The following CYYR1 variants were observed in gnomAD, a reference collection of about 807,000 sequenced individuals.
CYYR1 encodes cysteine and tyrosine-rich protein 1.
CYYR1 carries 14 observed loss-of-function variants against 15.2 expected under a neutral mutation model. The ratio of observed to expected loss-of-function variants is 0.92; its 90% CI spans 0.61 to 1.44. The LOEUF (loss-of-function observed/expected upper bound fraction) is 1.44, where lower values mean the gene tolerates loss of function less well. Among genes scored for constraint, CYYR1 ranks in the 40% most tolerant of loss-of-function variants. The pLI, the probability that CYYR1 is intolerant of heterozygous loss-of-function variation, is 0.00. For synonymous variants in CYYR1, 80 were observed against 77.4 expected, an observed-to-expected ratio of 1.03 and a Z score of -0.18; for missense variants, 228 against 209.5, an observed-to-expected ratio of 1.09 and a Z score of -0.54.
chr21:26,482,305 C>T, intron 2 of CYYR1: 1 of 980,680 alleles, frequency 1.0e-6, no homozygotes, highest in Non-Finnish European at 1.2e-6. Context: ...TTTATTTTTC[C>T]ATATACATAT....
At chr21:26,507,810 G>T (rs1247469882) in intron 2 of CYYR1, among the ~76,000 whole-genome samples, 1 of 152,198 alleles carries the variant, frequency 6.6e-6, no homozygotes, top group East Asian at 1.9e-4. Flanking sequence ...GGGCATCACA[G>T]GATGGGTGTT....
At chr21:26,472,138 C>T (rs2065042872) in intron 3 of CYYR1, among the ~76,000 whole-genome samples, 1 of 152,190 alleles carries the variant, frequency 6.6e-6, no homozygotes, top group South Asian at 2.1e-4. Context: ...TAGTTGCATC[C>T]TTGCAGTCAC....
At chr21:26,512,782 A>G (rs2065667626) in intron 2 of CYYR1, among the ~76,000 whole-genome samples, 1 of 152,202 alleles carries the variant, frequency 6.6e-6, no homozygotes. Flanking sequence ...GTGGCCTGCA[A>G]AGCCTAAAAT....
At chr21:26,515,221 C>T (rs1849048348) in intron 2 of CYYR1, among the ~76,000 whole-genome samples, 1 of 152,216 alleles carries the variant, frequency 6.6e-6, no homozygotes, top group South Asian at 2.1e-4. Flanking sequence ...GTCCAAACTT[C>T]CTTTCCAGGC....
intron 2 of CYYR1, among the ~76,000 whole-genome samples, chr21:26,502,140 G>C (rs1287422230): frequency 6.6e-6 from 1 of 152,132 alleles, no homozygotes; most frequent in Non-Finnish European, 1.5e-5. Flanking sequence ...AAATCAAGCA[G>C]TATGTCTTGG....
At chr21:26,471,209 A>G (rs1163940552) in intron 3 of CYYR1, 1 of 152,212 alleles carries the variant, frequency 6.6e-6, no homozygotes, top group Non-Finnish European at 1.5e-5. Context: ...GGCAGCCTCC[A>G]TGCAGCAGGA....
intron 2 of CYYR1, among the ~76,000 whole-genome samples, chr21:26,547,992 C>T (rs993185266): frequency 1.3e-5 from 2 of 152,042 alleles, no homozygotes; most frequent in African/African-American, 4.8e-5. Context: ...CTTGTAGCAA[C>T]CTATGGGGCT....
intron 1 of CYYR1, chr21:26,568,343 G>A (rs967727540): frequency 6.6e-6 from 1 of 152,110 alleles, no homozygotes; most frequent in African/African-American, 2.4e-5. Flanking sequence ...GACAAAGTCA[G>A]CAAAAATAAG....
intron 2 of CYYR1, among the ~76,000 whole-genome samples, chr21:26,490,163 T>C (rs1440633547): frequency 6.6e-6 from 1 of 151,892 alleles, no homozygotes; most frequent in Non-Finnish European, 1.5e-5. Context: ...TTAGCCGGTG[T>C]GTGACACACA....
intron 2 of CYYR1, among the ~76,000 whole-genome samples, chr21:26,494,978 A>C (rs889445915): frequency 1.3e-5 from 2 of 152,182 alleles, no homozygotes; most frequent in Non-Finnish European, 2.9e-5. Context: ...TATGTCCCAG[A>C]AGTCAGAGAA....
At chr21:26,567,173 CT>C (rs11293401) in intron 1 of CYYR1, among the ~76,000 whole-genome samples, 138,656 of 152,170 alleles carry the variant, frequency 0.91, 63,157 homozygotes, top group Middle Eastern at 0.93. Context: ...CATTTGGTGA[CT>C]TTTTTTTACC....
intron 2 of CYYR1, among the ~76,000 whole-genome samples, chr21:26,492,868 G>T (rs1057512210): frequency 2.6e-5 from 4 of 152,138 alleles, no homozygotes; most frequent in Non-Finnish European, 5.9e-5. Context: ...CGCAAATGGG[G>T]AAGTGCAAAC....
At chr21:26,525,251 A>C (rs1026160957) in intron 2 of CYYR1, among the ~76,000 whole-genome samples, 13 of 151,140 alleles carry the variant, frequency 8.6e-5, no homozygotes, top group African/African-American at 3.2e-4. Context: ...AATTTTTTTC[A>C]ATGAGTTTCT....
At chr21:26,528,471 C>T (rs1005834246) in intron 2 of CYYR1, among the ~76,000 whole-genome samples, 14 of 152,078 alleles carry the variant, frequency 9.2e-5, no homozygotes, top group Non-Finnish European at 2.1e-4. Flanking sequence ...TCCTGCTCTC[C>T]CTCTTTTGCC....
intron 3 of CYYR1, among the ~76,000 whole-genome samples, chr21:26,477,121 T>C (rs963522859): frequency 6.6e-6 from 1 of 152,146 alleles, no homozygotes; most frequent in African/African-American, 2.4e-5. Flanking sequence ...TTTGCTAAAT[T>C]ATGCTCTCTG....
intron 2 of CYYR1, chr21:26,564,652 T>C (rs1207675961): frequency 2.0e-6 from 2 of 977,622 alleles, no homozygotes; most frequent in African/African-American, 3.5e-5. Context: ...GAGTTATATG[T>C]ATTTACCAGG....
At chr21:26,488,888 G>A (rs1006895143) in intron 2 of CYYR1, among the ~76,000 whole-genome samples, 8 of 152,174 alleles carry the variant, frequency 5.3e-5, no homozygotes, top group South Asian at 2.1e-4. Flanking sequence ...TCCTTTGCAC[G>A]AGAAACAAAC....
chr21:26,528,165 A>G (rs996646879), intron 2 of CYYR1, among the ~76,000 whole-genome samples: 39 of 152,200 alleles, frequency 2.6e-4, no homozygotes, highest in African/African-American at 9.4e-4. Flanking sequence ...TAATAGCTAA[A>G]TATCTTTTTT....
At chr21:26,486,458 G>C (rs1317066891) in intron 2 of CYYR1, among the ~76,000 whole-genome samples, 1 of 151,884 alleles carries the variant, frequency 6.6e-6, no homozygotes, top group Non-Finnish European at 1.5e-5. Flanking sequence ...ATTAGATTTA[G>C]GTTGAGGTTC....
Sources: gnomAD v4.1 joint callset for allele counts (sites outside exome capture counted in the v4.1 genomes callset) on GRCh38, gnomAD v4.1.1 for gene constraint, MANE v1.5 for transcripts, NCBI Gene and HGNC (gene_info 2026-07-23, HGNC 2026-07-21) for gene names.